CCDC82: variants seen among roughly 807,000 people sequenced by gnomAD.
The protein encoded by CCDC82 is coiled-coil domain-containing protein 82.
In CCDC82, 47 loss-of-function variants were observed where a neutral mutation model predicts 60.6. The ratio of observed to expected loss-of-function variants is 0.77; its 90% CI spans 0.61 to 0.99. CCDC82 has a LOEUF of 0.99. Among genes scored for constraint, CCDC82 ranks in the 50% least tolerant of loss-of-function variants. The pLI, the probability that CCDC82 is intolerant of heterozygous loss-of-function variation, is 0.00. For synonymous variants in CCDC82, 212 were observed against 207.4 expected (o/e 1.02, Z -0.19); for missense variants, 588 against 633.0 (o/e 0.93, Z 0.76).
At position 96,382,717 on chromosome 11, in the gene CCDC82, TTTAAAATACTA is replaced by T. The variant is rs1421541065; in HGVS notation, c.991+541_991+551del. On this transcript the variant is annotated intron_variant, in intron 5 of 9. Coordinates refer to ENST00000646818, the MANE Select transcript of CCDC82 (RefSeq NM_024725.4). ...TCAAATGAGAATATCAACAATTATTTTTAAAATACTATTAAAATACTCCTCCCTTTTCCAGC... is the reference window on the plus strand; with the variant it reads ...TCAAATGAGAATATCAACAATTATTTTTAAAATACTCCTCCCTTTTCCAGC... 1.5e-4 allele frequency: 23 copies of T among 152,018 alleles called. 1 individual carries two copies. The highest frequency in any genetic ancestry group is 3.4e-3 in the Middle Eastern group (1 of 294). The allele number at this position is 152,018 out of a possible 1,614,324, so 9.4% of individuals were successfully genotyped here.
intron 1 of CCDC82, chr11:96,387,982 G>A (rs900231266): frequency 6.6e-6 from 1 of 152,196 alleles, no homozygotes; most frequent in African/African-American, 2.4e-5. Flanking sequence ...AATGCCTGAG[G>A]CAGCATCTTT....
intron 8 of CCDC82, among the ~76,000 whole-genome samples, chr11:96,360,188 A>G (rs1864571578): frequency 7.2e-6 from 1 of 138,168 alleles, no homozygotes; most frequent in South Asian, 2.3e-4. Context: ...ATTTAAATAT[A>G]TATATATATA....
rs1409470053 is a variant in CCDC82 at position 96,384,401 on chromosome 11, A to G, written c.347T>C (p.Ile116Thr). 6.2e-7 allele frequency: 1 copy of G among 1,613,184 alleles called. No individual in the cohort carries two copies. Among genetic ancestry groups the G allele is most frequent in the Non-Finnish European group, 8.5e-7 (1 of 1,179,736 alleles). ...GSTYEEETNK[I>T]KHRNIDLQDQ... ...TTGTAAGTCAATATTCCTATGTTTGATTTTGTTCGTTTCTTCTTCATATGT... is the reference window on the plus strand; with the variant it reads ...TTGTAAGTCAATATTCCTATGTTTGGTTTTGTTCGTTTCTTCTTCATATGT... The change falls in exon 4 of 10, where the codon ATC becomes ACC. Residue 116 changes from isoleucine to threonine, a missense_variant. Physicochemically the swap from Ile to Thr is moderately conservative, Grantham distance 89 (BLOSUM62 -1). Transcript: ENST00000646818.
At chr11:96,364,108 T>C (rs1864819326) in intron 8 of CCDC82, 1 of 152,166 alleles carries the variant, frequency 6.6e-6, no homozygotes, top group African/African-American at 2.4e-5. Context: ...GCAATGTATT[T>C]GATATACATA....
chr11:96,389,502 A>T (rs939611025), intron 1 of CCDC82: 1 of 152,310 alleles, frequency 6.6e-6, no homozygotes, highest in Non-Finnish European at 1.5e-5. Flanking sequence ...GACGACGGAA[A>T]CCCCCAGACC....
Position 96,359,090 on chromosome 11 carries a change from C to T in CCDC82, c.1469G>A (p.Cys490Tyr), listed in dbSNP as rs1224221809. 3.7e-6 allele frequency: 6 copies of T among 1,606,432 alleles called. No individual in the cohort carries two copies. The highest frequency in any genetic ancestry group is 1.7e-5 in the Admixed American group (1 of 58,008). Residue 490 changes from cysteine (C) to tyrosine (Y), a missense_variant, in exon 9 of 10, where the codon TGC becomes TAC. By Grantham distance (194) the Cys-to-Tyr change is radical. Transcript: ENST00000646818. Reference sequence around the variant, plus strand: ...AACTTCTTCTGTCATTGCAATGGTGCAACATTCCTGGTATAGTTTGAATTT... The same window carrying T: ...AACTTCTTCTGTCATTGCAATGGTGTAACATTCCTGGTATAGTTTGAATTT... ...HFKFKLYQEC[C>Y]TIAMTEEVED...
At chr11:96,360,029 T>C (rs561761901) in intron 8 of CCDC82, among the ~76,000 whole-genome samples, 119 of 150,804 alleles carry the variant, frequency 7.9e-4, no homozygotes, top group African/African-American at 2.7e-3. Flanking sequence ...TCTTTCAGAA[T>C]GTTTTGAATG....
chr11:96,368,430 C>T (rs944406254), intron 7 of CCDC82, among the ~76,000 whole-genome samples: 5 of 152,086 alleles, frequency 3.3e-5, no homozygotes, highest in African/African-American at 1.2e-4. Flanking sequence ...TAGCATAATT[C>T]TCAAAGGACC....
chr11:96,384,700 G>T lies in CCDC82; in HGVS notation c.48C>A (p.His16Gln). The T allele has an allele frequency of 6.2e-7, 1 of 1,611,312 alleles. No homozygotes were observed. The highest frequency in any genetic ancestry group is 8.5e-7 in the Non-Finnish European group (1 of 1,179,062). Residue 16 changes from histidine to glutamine, a missense_variant, in exon 4 of 10, where the codon CAC (histidine) becomes CAA (glutamine). Physicochemically the swap from His to Gln is conservative, Grantham distance 24 (BLOSUM62 0). Coordinates refer to ENST00000646818, the MANE Select transcript of CCDC82 (RefSeq NM_024725.4). ...CAACTCGAGATTTCTGCTCAGGCAC[G>T]TGACTCTTAGAATTTCTCCTTGTTT... ...RHETRRNSKS[H>Q]VPEQKSRVDW...
At position 96,383,520 on chromosome 11, in the gene CCDC82, G is replaced by A. The variant is rs766176877; in HGVS notation, c.787-47C>T. 40 of 1,177,620 alleles carry A rather than the reference G, an allele frequency of 3.4e-5. 1 individual carries two copies. The highest frequency in any genetic ancestry group is 2.2e-4 in the East Asian group (9 of 40,792). 72.9% of individuals were successfully genotyped at this position (1,177,620 alleles called of 1,614,324 possible). On this transcript the variant is annotated intron_variant, in intron 4 of 9. Transcript: ENST00000646818. ...CTTCAGTAAATGGTGCTATTAAAAC[G>A]GTAAGCATCGATATAAAATTAAAAC... is the stretch of plus-strand genomic sequence containing the variant.
intron 6 of CCDC82, among the ~76,000 whole-genome samples, chr11:96,372,701 T>A (rs867167136): frequency 1.7e-4 from 23 of 139,070 alleles, no homozygotes; most frequent in African/African-American, 5.3e-4. Context: ...TATATAAAAA[T>A]ATATATATAC....
chr11:96,365,845 T>C (rs1303241302), intron 7 of CCDC82, among the ~76,000 whole-genome samples: 1 of 152,226 alleles, frequency 6.6e-6, no homozygotes, highest in East Asian at 1.9e-4. Flanking sequence ...TAATTGGTAG[T>C]GTAGATTAGG....
chr11:96,379,922 T>C (rs1016837445), intron 5 of CCDC82, among the ~76,000 whole-genome samples: 4 of 151,730 alleles, frequency 2.6e-5, no homozygotes, highest in Non-Finnish European at 5.9e-5. Context: ...ATGAAGATAG[T>C]TGAGGATGGA....
At chr11:96,369,273 C>G (rs936094262) in intron 7 of CCDC82, among the ~76,000 whole-genome samples, 3 of 152,222 alleles carry the variant, frequency 2.0e-5, no homozygotes, top group African/African-American at 7.2e-5. Flanking sequence ...TAATTTCCTT[C>G]AAGAACTTTC....
chr11:96,353,775 T>C (rs1864205636), intron 9 of CCDC82, 61 bp from the exon 10 acceptor site: 8 of 1,148,194 alleles, frequency 7.0e-6, no homozygotes, highest in South Asian at 2.5e-5. Flanking sequence ...AACTGGGCCT[T>C]TGCAAACTAC....
At chr11:96,384,965 T>C in intron 3 of CCDC82, 1 of 457,674 alleles carries the variant, frequency 2.2e-6, no homozygotes, top group Non-Finnish European at 3.8e-6. Context: ...GAACATCTAC[T>C]CTGAATTACG....
intron 9 of CCDC82, chr11:96,358,476 T>C: frequency 8.1e-6 from 10 of 1,231,102 alleles, no homozygotes; most frequent in Non-Finnish European, 1.0e-5. Flanking sequence ...AACCTCTGCA[T>C]TCCCCTCGAT....
rs1280539058 is a variant in CCDC82 at position 96,367,814 on chromosome 11, G to GT, written c.1210-2665dup. On this transcript the variant is annotated intron_variant, in intron 7 of 9. Coordinates refer to ENST00000646818, the MANE Select transcript of CCDC82 (RefSeq NM_024725.4). The stretch of plus-strand genomic sequence containing the variant: ...TATGGCTGCTACAATCTTATGAAAT[G>GT]TATTTCTTTTTTTTTTTTTTTTTTT... Among the ~76,000 whole-genome samples the GT allele has an allele frequency of 1.7e-4, 23 of 136,686 alleles. No homozygotes were observed. The Admixed American group carries it at 1.7e-3, about 10-fold the overall frequency. 89.7% of individuals were successfully genotyped at this position (136,686 alleles called of 152,430 possible).
chr11:96,389,532 A>T (rs1203442405), intron 1 of CCDC82: 1 of 152,270 alleles, frequency 6.6e-6, no homozygotes, highest in Admixed American at 6.5e-5. Context: ...CTCTGCACCG[A>T]GAAAACAATT....
Sources: gnomAD v4.1 joint callset for allele counts (sites outside exome capture counted in the v4.1 genomes callset) on GRCh38, gnomAD v4.1.1 for gene constraint, MANE v1.5 for transcripts, NCBI Gene and HGNC (gene_info 2026-07-23, HGNC 2026-07-21) for gene names.